Variants in SLC37A3 observed in about 807,000 individuals in gnomAD.
SLC37A3 encodes the protein sugar phosphate exchanger 3.
Under a neutral mutation model 67.1 loss-of-function variants are expected in SLC37A3, and 51 were observed. The observed-to-expected ratio is 0.76, with a 90% CI of 0.61 to 0.96. The LOEUF (loss-of-function observed/expected upper bound fraction) is 0.96, where lower values mean the gene tolerates loss of function less well. SLC37A3 is among the 40% of genes least tolerant of loss of function. SLC37A3 has a pLI of 0.00. For missense variants in SLC37A3, 508 were observed against 603.0 expected (o/e 0.84, Z 1.65); for synonymous variants, 214 against 231.4 (o/e 0.92, Z 0.68).
Position 140,380,858 on chromosome 7 carries a change from A to G in SLC37A3, c.90-468T>C, listed in dbSNP as rs188751608. On this transcript the variant is annotated intron_variant, in intron 2 of 14. Transcript: ENST00000326232. ...CTTGGCTTCCCAAATTGCCAGGATT[A>G]TAAGCATGACACTGAACAATTTTAG... 2.6e-5 allele frequency among the ~76,000 whole-genome samples: 4 copies of G among 151,376 alleles called. No homozygotes were observed. The East Asian group carries it at 7.8e-4, about 30-fold the overall frequency.
intron 1 of SLC37A3, among the ~76,000 whole-genome samples, chr7:140,389,048 A>C (rs1365397102): frequency 6.6e-6 from 1 of 152,176 alleles, no homozygotes; most frequent in African/African-American, 2.4e-5. Flanking sequence ...TTAACCCTTA[A>C]GGAAGGTCCT....
chr7:140,336,696 G>C (rs1224955171), intron 14 of SLC37A3, among the ~76,000 whole-genome samples: 4 of 152,036 alleles, frequency 2.6e-5, no homozygotes, highest in African/African-American at 7.3e-5. Flanking sequence ...ACTGATTAGG[G>C]GCTGGTGATA....
At chr7:140,336,228 A>C (rs1796125695) in intron 14 of SLC37A3, among the ~76,000 whole-genome samples, 1 of 152,230 alleles carries the variant, frequency 6.6e-6, no homozygotes, top group South Asian at 2.1e-4. Context: ...CCTGGGCAAC[A>C]TGGTGAAACC....
Position 140,359,319 on chromosome 7 carries a change from C to T in SLC37A3, c.376-534G>A, listed in dbSNP as rs901852351. ...GATCGTGCCACTGCACTCCAGCCTGCGCGGGAGTGCGAGACTCTGTCTCAA... is the reference window on the plus strand; with the variant it reads ...GATCGTGCCACTGCACTCCAGCCTGTGCGGGAGTGCGAGACTCTGTCTCAA... On this transcript the variant is annotated intron_variant, in intron 5 of 14. Coordinates refer to ENST00000326232, the MANE Select transcript of SLC37A3 (RefSeq NM_207113.3). Among the ~76,000 whole-genome samples, 24 of 146,522 alleles carry T rather than the reference C, an allele frequency of 1.6e-4. No homozygotes were observed. In the South Asian group the frequency reaches 3.3e-3, roughly 20 times the overall value.
intron 14 of SLC37A3, among the ~76,000 whole-genome samples, 161 bp downstream of exon 14, chr7:140,337,110 AAAAAAAAAAGAAG>A (rs1481662983): frequency 1.3e-5 from 2 of 150,152 alleles, no homozygotes; most frequent in Non-Finnish European, 3.0e-5. Flanking sequence ...AAAAAAAAAA[AAAAAAAAAAGAAG>A]AAGAAGAAGA....
intron 5 of SLC37A3, among the ~76,000 whole-genome samples, chr7:140,363,705 TAAA>T (rs78815725): frequency 2.2e-5 from 2 of 91,182 alleles, no homozygotes; most frequent in East Asian, 3.1e-4. Context: ...AAAAAATAAA[TAAA>T]AAAATAAAAA....
chr7:140,348,427 C>A, intron 10 of SLC37A3, 199 bp downstream of exon 10: 1 of 556,772 alleles, frequency 1.8e-6, no homozygotes, highest in African/African-American at 2.0e-5. Flanking sequence ...GTCTTCCTTT[C>A]TATGGACCTC....
chr7:140,394,346 A>T (rs1798836028), intron 1 of SLC37A3, among the ~76,000 whole-genome samples: 3 of 151,726 alleles, frequency 2.0e-5, no homozygotes, highest in Admixed American at 2.0e-4. Context: ...GGTCTGGTCC[A>T]GTGGCTCACG....
intron 1 of SLC37A3, among the ~76,000 whole-genome samples, chr7:140,394,934 A>C (rs10261444): frequency 0.38 from 57,915 of 151,444 alleles, 11,340 homozygotes; most frequent in Non-Finnish European, 0.43. Context: ...AAAAGAAAGC[A>C]ATCTCTCTCA....
intron 1 of SLC37A3, among the ~76,000 whole-genome samples, chr7:140,386,038 CT>C (rs913908422): frequency 1.3e-5 from 2 of 152,158 alleles, no homozygotes; most frequent in African/African-American, 4.8e-5. Context: ...CCACCTTGGC[CT>C]CCCAAAGTGC....
At chr7:140,390,667 T>C (rs544247754) in intron 1 of SLC37A3, among the ~76,000 whole-genome samples, 28 of 152,156 alleles carry the variant, frequency 1.8e-4, no homozygotes, top group Admixed American at 2.6e-4. Context: ...ATAAGCTCCC[T>C]CCTGGGCCTT....
chr7:140,396,896 T>G (rs1048627478), intron 1 of SLC37A3, among the ~76,000 whole-genome samples: 9 of 44,656 alleles, frequency 2.0e-4, no homozygotes, highest in South Asian at 1.0e-3. Flanking sequence ...TTTTTTTTGT[T>G]TTTTTTTTTT....
At chr7:140,369,788 G>C in intron 3 of SLC37A3, 106 bp from the exon 4 acceptor site, 1 of 828,372 alleles carries the variant, frequency 1.2e-6, no homozygotes, top group Non-Finnish European at 1.9e-6. Flanking sequence ...TAATGCTCAA[G>C]AACAACTTTT....
chr7:140,373,153 G>A (rs1008819285), intron 3 of SLC37A3, among the ~76,000 whole-genome samples: 1 of 152,052 alleles, frequency 6.6e-6, no homozygotes, highest in Admixed American at 6.6e-5. Flanking sequence ...GTTCCACCAT[G>A]TTGGTCAGGC....
intron 14 of SLC37A3, among the ~76,000 whole-genome samples, chr7:140,336,747 G>A (rs1447633180): frequency 6.6e-6 from 1 of 152,046 alleles, no homozygotes; most frequent in Non-Finnish European, 1.5e-5. Flanking sequence ...AATCATAAAT[G>A]GCAATATTCA....
At chr7:140,377,093 A>C (rs577284329) in intron 3 of SLC37A3, among the ~76,000 whole-genome samples, 1 of 151,890 alleles carries the variant, frequency 6.6e-6, no homozygotes, top group Non-Finnish European at 1.5e-5. Flanking sequence ...ACAGGCATGC[A>C]TCACCATACC....
At chr7:140,368,339 G>A (rs974936621) in intron 4 of SLC37A3, among the ~76,000 whole-genome samples, 7 of 152,054 alleles carry the variant, frequency 4.6e-5, no homozygotes, top group Admixed American at 6.5e-5. Context: ...GCCGAGGCAA[G>A]CGGATCGTCT....
intron 4 of SLC37A3, among the ~76,000 whole-genome samples, chr7:140,364,890 A>C (rs980635636): frequency 6.6e-6 from 1 of 152,216 alleles, no homozygotes; most frequent in African/African-American, 2.4e-5. Context: ...TTTCTAGACT[A>C]GATTAATTCC....
At chr7:140,397,285 C>G (rs1000251328) in intron 1 of SLC37A3, among the ~76,000 whole-genome samples, 1 of 147,830 alleles carries the variant, frequency 6.8e-6, no homozygotes, top group African/African-American at 2.5e-5. Flanking sequence ...CCTCCGCCTC[C>G]CAGGTTCAAG....
Sources: gnomAD v4.1 joint callset for allele counts (sites outside exome capture counted in the v4.1 genomes callset) on GRCh38, gnomAD v4.1.1 for gene constraint, MANE v1.5 for transcripts, NCBI Gene and HGNC (gene_info 2026-07-23, HGNC 2026-07-21) for gene names.